Variants in SHLD1 observed in about 807,000 individuals in gnomAD.
SHLD1 encodes the protein RINN1-REV7-interacting novel NHEJ regulator 3.
A neutral mutation model predicts 5.5 loss-of-function variants in SHLD1; 3 were observed. The observed-to-expected ratio is 0.54, with a 90% confidence interval of 0.25 to 1.40. SHLD1 has a LOEUF of 1.40. SHLD1 is among the 40% of genes most tolerant of loss of function. SHLD1 has a pLI of 0.15. For synonymous variants in SHLD1, 92 were observed against 94.3 expected, an observed-to-expected ratio of 0.98 and a Z score of 0.14; for missense variants, 210 against 244.4, an observed-to-expected ratio of 0.86 and a Z score of 0.94.
chr20:5,849,858 C>G (rs1251906567), intron 2 of SHLD1, among the ~76,000 whole-genome samples: 2 of 148,658 alleles, frequency 1.3e-5, no homozygotes, highest in Non-Finnish European at 1.5e-5. Context: ...ACTCGGGAGG[C>G]TGAGGCAGGA....
rs1013659039 is a variant in SHLD1 at position 5,863,458 on chromosome 20, C to A, written c.613C>A (p.Leu205Met). Reference protein sequence around the residue: ...FLLQQNVMKDL With the variant: ...FLLQQNVMKDM ...CTTGCAGCAGAATGTAATGAAAGAC[C>A]TGTAACTGGTGCCGGGCAGTGTGCA... Residue 205 changes from leucine to methionine, a missense_variant, in exon 3 of 3, where the codon CTG (leucine) becomes ATG (methionine). Coordinates refer to ENST00000303142, the MANE Select transcript of SHLD1 (RefSeq NM_152504.4). 1 of 1,596,114 alleles carries A rather than the reference C, an allele frequency of 6.3e-7. No individual in the cohort carries two copies. Among genetic ancestry groups the A allele is most frequent in the Non-Finnish European group, 8.5e-7 (1 of 1,171,620 alleles).
At chr20:5,817,837 T>A (rs748557872) in intron 2 of SHLD1, among the ~76,000 whole-genome samples, 1 of 152,180 alleles carries the variant, frequency 6.6e-6, no homozygotes, top group Non-Finnish European at 1.5e-5. Flanking sequence ...CTGAAACTGA[T>A]CTCTGTCTCT....
intron 1 of SHLD1, among the ~76,000 whole-genome samples, chr20:5,766,339 C>T (rs770061012): frequency 2.4e-4 from 37 of 152,196 alleles, no homozygotes; most frequent in Admixed American, 7.2e-4. Flanking sequence ...CAGCTGATAG[C>T]TTGGCTCACT....
chr20:5,843,391 G>C (rs138787919), intron 2 of SHLD1, among the ~76,000 whole-genome samples: 1 of 150,272 alleles, frequency 6.7e-6, no homozygotes, highest in Admixed American at 6.7e-5. Flanking sequence ...CCAAGGCCAA[G>C]ACAAGTTTTT....
chr20:5,849,935 C>T (rs1456997260), intron 2 of SHLD1, among the ~76,000 whole-genome samples: 9 of 137,278 alleles, frequency 6.6e-5, no homozygotes, highest in Admixed American at 4.6e-4. Flanking sequence ...GTCCGCAGTC[C>T]GGCCTGGGCG....
At chr20:5,840,291 T>A (rs2087841946) in intron 2 of SHLD1, among the ~76,000 whole-genome samples, 1 of 152,210 alleles carries the variant, frequency 6.6e-6, no homozygotes, top group Non-Finnish European at 1.5e-5. Context: ...ATTAGTCCAC[T>A]CAATACCTAT....
chr20:5,826,846 G>T (rs766446372), intron 2 of SHLD1, among the ~76,000 whole-genome samples: 1 of 152,100 alleles, frequency 6.6e-6, no homozygotes, highest in African/African-American at 2.4e-5. Flanking sequence ...GGCCTGGCAC[G>T]CATAGGTTTC....
chr20:5,808,165 A>T (rs559605346), intron 2 of SHLD1, among the ~76,000 whole-genome samples: 1 of 152,172 alleles, frequency 6.6e-6, no homozygotes, highest in East Asian at 1.9e-4. Flanking sequence ...CTGTAATTCC[A>T]GCCACTCGAG....
At position 5,805,236 on chromosome 20, in the gene SHLD1, C is replaced by T. The variant is rs528731007; in HGVS notation, c.178+32193C>T. On this transcript the variant is annotated intron_variant, in intron 2 of 2. Coordinates refer to ENST00000303142, the MANE Select transcript of SHLD1 (RefSeq NM_152504.4). ...GCAGTGGCGCGATCTCGGCTTGCCA[C>T]GAACTCTGCCCTCTGGGTTCAAGTG... Among the ~76,000 whole-genome samples, 76 of 152,164 alleles carry T rather than the reference C, an allele frequency of 5.0e-4. 1 individual carries two copies. The South Asian group carries it at 0.015, about 30-fold the overall frequency.
At chr20:5,778,602 G>A (rs1216613726) in intron 2 of SHLD1, among the ~76,000 whole-genome samples, 1 of 125,716 alleles carries the variant, frequency 8.0e-6, no homozygotes, top group African/African-American at 3.5e-5. Flanking sequence ...GCAAGACCTT[G>A]TCAAAAAAAA....
rs577039262 is a variant in SHLD1, at chr20:5,819,225, C to G, written c.179-43799C>G. 3.3e-5 allele frequency among the ~76,000 whole-genome samples: 5 copies of G among 152,106 alleles called. No homozygotes were observed. In the South Asian group the frequency reaches 1.0e-3, roughly 32 times the overall value. On this transcript the variant is annotated intron_variant, in intron 2 of 2. Transcript: ENST00000303142. Reference sequence around the variant, plus strand: ...AGCACTTAGGTTCCCCCTAGTGGAACTAAGCATGGTTGCATGCTTGGTTCA... The same window carrying G: ...AGCACTTAGGTTCCCCCTAGTGGAAGTAAGCATGGTTGCATGCTTGGTTCA...
chr20:5,829,014 C>G (rs962220879), intron 2 of SHLD1, among the ~76,000 whole-genome samples: 2 of 152,150 alleles, frequency 1.3e-5, no homozygotes, highest in Non-Finnish European at 2.9e-5. Flanking sequence ...GCCGAGACTA[C>G]AGGCATGCAC....
At chr20:5,802,770 C>G (rs1009919944) in intron 2 of SHLD1, among the ~76,000 whole-genome samples, 1 of 152,118 alleles carries the variant, frequency 6.6e-6, no homozygotes, top group African/African-American at 2.4e-5. Context: ...CCTCAGCCTC[C>G]TGGGTAGCTG....
At chr20:5,791,887 G>T (rs1459190975) in intron 2 of SHLD1, among the ~76,000 whole-genome samples, 1 of 152,100 alleles carries the variant, frequency 6.6e-6, no homozygotes, top group Non-Finnish European at 1.5e-5. Context: ...TTTTTTGATA[G>T]TGACCATCCT....
intron 2 of SHLD1, among the ~76,000 whole-genome samples, chr20:5,781,563 C>T (rs1465669896): frequency 3.3e-5 from 5 of 152,090 alleles, no homozygotes; most frequent in South Asian, 2.1e-4. Context: ...CTGCAACCTC[C>T]GCCTCCTGGG....
At chr20:5,859,371 C>T (rs1011718149) in intron 2 of SHLD1, among the ~76,000 whole-genome samples, 6 of 152,178 alleles carry the variant, frequency 3.9e-5, no homozygotes, top group African/African-American at 1.4e-4. Context: ...TCCTTGACCC[C>T]ACTCACTAAA....
At chr20:5,755,506 T>C (rs1984027746) in intron 1 of SHLD1, among the ~76,000 whole-genome samples, 1 of 152,032 alleles carries the variant, frequency 6.6e-6, no homozygotes, top group Admixed American at 6.6e-5. Context: ...AACTGGTCCC[T>C]GGTGTCAGAA....
intron 2 of SHLD1, among the ~76,000 whole-genome samples, chr20:5,798,354 G>C (rs2087241071): frequency 6.6e-6 from 1 of 151,820 alleles, no homozygotes; most frequent in South Asian, 2.1e-4. Context: ...CCAGGCTAGA[G>C]TGCAGTGGCG....
At position 5,860,592 on chromosome 20, in the gene SHLD1, G is replaced by GT. The variant is rs1219304723; in HGVS notation, c.179-2423dup. On this transcript the variant is annotated intron_variant, in intron 2 of 2. Transcript: ENST00000303142. The stretch of plus-strand genomic sequence containing the variant: ...AATGAAAAGATGAAGTTTAAAAAAA[G>GT]TTTTTTTTTGCATTTGGCTGTCATG... Among the ~76,000 whole-genome samples, 10 of 151,512 alleles carry GT rather than the reference G, an allele frequency of 6.6e-5. 1 individual carries two copies. The South Asian group carries it at 1.0e-3, about 16-fold the overall frequency.
Sources: gnomAD v4.1 joint callset for allele counts (sites outside exome capture counted in the v4.1 genomes callset) on GRCh38, gnomAD v4.1.1 for gene constraint, MANE v1.5 for transcripts, NCBI Gene and HGNC (gene_info 2026-07-23, HGNC 2026-07-21) for gene names.